Variants in RPS6KC1 observed in about 807,000 individuals in gnomAD.
RPS6KC1 encodes inactive ribosomal protein S6 kinase delta-1.
RPS6KC1 carries 54 observed loss-of-function variants against 103.8 expected under a neutral mutation model. The ratio of observed to expected loss-of-function variants is 0.52; its 90% confidence interval spans 0.42 to 0.65. The LOEUF is 0.65. Among genes scored for constraint, RPS6KC1 ranks in the 30% least tolerant of loss-of-function variants. The pLI, the probability that RPS6KC1 is intolerant of heterozygous loss-of-function variation, is 0.00. For synonymous variants in RPS6KC1, 439 were observed against 438.7 expected (o/e 1.00, Z -0.01); for missense variants, 1,151 against 1,253.8 (o/e 0.92, Z 1.24).
chr1:213,777,170 A>T, the RPS6KC1 span, among the ~76,000 whole-genome samples: 3 of 152,186 alleles, frequency 2.0e-5, no homozygotes, highest in African/African-American at 7.2e-5. Context: ...ATTTCTCTGA[A>T]GAACTTTTTC....
chr1:213,752,202 A>G, the RPS6KC1 span, among the ~76,000 whole-genome samples: 1 of 152,186 alleles, frequency 6.6e-6, no homozygotes, highest in Non-Finnish European at 1.5e-5. Flanking sequence ...TGTTGGGACC[A>G]TCTTCAGATC....
At chr1:213,290,495 T>A in the RPS6KC1 span, among the ~76,000 whole-genome samples, 1 of 152,156 alleles carries the variant, frequency 6.6e-6, no homozygotes, top group Non-Finnish European at 1.5e-5. Flanking sequence ...TTGTGTTCTG[T>A]GGCTCCTCAG....
chr1:213,363,672 T>TTCTTTCTTTCTTTCTC, the RPS6KC1 span, among the ~76,000 whole-genome samples: 1 of 102,748 alleles, frequency 9.7e-6, no homozygotes, highest in African/African-American at 5.1e-5. Context: ...CTTTCTTTCT[T>TTCTTTCTTTCTTTCTC]TCTTTCTTTC....
At chr1:213,428,884 C>A in the RPS6KC1 span, 1 of 157,688 alleles carries the variant, frequency 6.3e-6, no homozygotes, top group South Asian at 1.8e-4. Flanking sequence ...ATTCTGGTGT[C>A]AATGTGCACA....
chr1:213,100,060 A>G (rs757365344), intron 3 of RPS6KC1, among the ~76,000 whole-genome samples: 5 of 152,186 alleles, frequency 3.3e-5, no homozygotes, highest in Non-Finnish European at 4.4e-5. Context: ...AAGTGCTTGT[A>G]TATTTGATAT....
chr1:213,653,373 C>T, the RPS6KC1 span, among the ~76,000 whole-genome samples: 1 of 151,846 alleles, frequency 6.6e-6, no homozygotes, highest in African/African-American at 2.4e-5. Flanking sequence ...GTGAGAAGAT[C>T]ACTTGCTCTT....
intron 5 of RPS6KC1, among the ~76,000 whole-genome samples, chr1:213,122,582 A>G (rs1278362832): frequency 6.6e-6 from 1 of 152,228 alleles, no homozygotes; most frequent in Admixed American, 6.6e-5. Flanking sequence ...TACAGAAAGT[A>G]TTAAATATTA....
chr1:213,339,384 A>G, the RPS6KC1 span, among the ~76,000 whole-genome samples: 1 of 152,246 alleles, frequency 6.6e-6, no homozygotes, highest in Non-Finnish European at 1.5e-5. Context: ...ATGCTCGTTA[A>G]GAACAATTGA....
the RPS6KC1 span, among the ~76,000 whole-genome samples, chr1:213,667,644 C>G: frequency 0.87 from 132,466 of 152,138 alleles, 58,256 homozygotes; most frequent in East Asian, 0.96. Context: ...GTGAAGTTTA[C>G]CACATCTATT....
At chr1:213,085,528 A>C (rs904272710) in intron 3 of RPS6KC1, among the ~76,000 whole-genome samples, 6 of 152,208 alleles carry the variant, frequency 3.9e-5, no homozygotes. Flanking sequence ...TCATGAAAAC[A>C]AAATTATCCC....
chr1:213,609,501 G>A, the RPS6KC1 span, among the ~76,000 whole-genome samples: 4 of 152,220 alleles, frequency 2.6e-5, no homozygotes, highest in Non-Finnish European at 2.9e-5. Context: ...GAGTCGGGGC[G>A]TGCAAACCAA....
At chr1:213,191,682 A>C (rs535650683) in intron 8 of RPS6KC1, among the ~76,000 whole-genome samples, 39 of 152,242 alleles carry the variant, frequency 2.6e-4, no homozygotes, top group African/African-American at 8.9e-4. Context: ...TGTATTGAAT[A>C]ACAGTGGTGA....
the RPS6KC1 span, among the ~76,000 whole-genome samples, chr1:213,484,925 C>G: frequency 1.1e-4 from 16 of 152,160 alleles, no homozygotes; most frequent in Admixed American, 2.6e-4. Flanking sequence ...TGCAGTGGCC[C>G]AATCTTGGCT....
chr1:213,052,732 G>A (rs1201091181), intron 1 of RPS6KC1, among the ~76,000 whole-genome samples: 1 of 152,004 alleles, frequency 6.6e-6, no homozygotes, highest in African/African-American at 2.4e-5. Context: ...AGTAGAGATG[G>A]GGTTTCTGCA....
chr1:213,175,668 C>T (rs1342726305), intron 7 of RPS6KC1, among the ~76,000 whole-genome samples: 2 of 152,016 alleles, frequency 1.3e-5, no homozygotes, highest in Non-Finnish European at 2.9e-5. Context: ...TTAAATCTTC[C>T]TTCCTATGTT....
chr1:213,725,020 AC>A, the RPS6KC1 span, among the ~76,000 whole-genome samples: 1 of 152,250 alleles, frequency 6.6e-6, no homozygotes, highest in Admixed American at 6.5e-5. Context: ...GGTCACTGTT[AC>A]AGCTGGAGTT....
chr1:213,598,856 G>A, the RPS6KC1 span, among the ~76,000 whole-genome samples: 155 of 152,240 alleles, frequency 1.0e-3, no homozygotes, highest in African/African-American at 3.6e-3. Flanking sequence ...GGGAAGCGGA[G>A]GTTGAGGTGA....
At chr1:213,172,684 G>T (rs1180777125) in intron 7 of RPS6KC1, among the ~76,000 whole-genome samples, 2 of 152,078 alleles carry the variant, frequency 1.3e-5, no homozygotes, top group Non-Finnish European at 2.9e-5. Context: ...GTATTGAGAA[G>T]AGTTGTGAGA....
At chr1:213,718,870 A>G in the RPS6KC1 span, among the ~76,000 whole-genome samples, 2 of 152,216 alleles carry the variant, frequency 1.3e-5, no homozygotes, top group South Asian at 2.1e-4. Flanking sequence ...TGCTCCTATA[A>G]TAAGCAACCA....
Sources: allele counts gnomAD v4.1 joint callset (sites outside exome capture counted in the v4.1 genomes callset), GRCh38; gene constraint gnomAD v4.1.1; transcripts MANE v1.5; gene names NCBI Gene and HGNC (gene_info 2026-07-23, HGNC 2026-07-21).